The following ADCY5 variants were observed in gnomAD, a reference collection of about 807,000 sequenced individuals.
The protein encoded by ADCY5 is adenylate cyclase type 5.
A neutral mutation model predicts 119.7 loss-of-function variants in ADCY5; 30 were observed. The observed-to-expected ratio is 0.25, with a 90% CI of 0.19 to 0.34. ADCY5 has a LOEUF of 0.34. ADCY5 is among the 10% of genes least tolerant of loss of function. The probability of loss-of-function intolerance (pLI) is 1.00; values close to 1 mark genes in which losing one functional copy is unlikely to be tolerated. For synonymous variants in ADCY5, 753 were observed against 762.2 expected, an observed-to-expected ratio of 0.99 and a Z score of 0.20; for missense variants, 1,324 against 1,775.2, an observed-to-expected ratio of 0.75 and a Z score of 4.57.
At chr3:123,398,747 A>G (rs1576666327) in intron 1 of ADCY5, among the ~76,000 whole-genome samples, 1 of 151,264 alleles carries the variant, frequency 6.6e-6, no homozygotes, top group Admixed American at 6.6e-5. Flanking sequence ...CATGCCATTA[A>G]CCCCCTCCTG....
At position 123,326,059 on chromosome 3, in the gene ADCY5, C is replaced by G. The variant is rs536086074; in HGVS notation, c.1948-597G>C. Among the ~76,000 whole-genome samples the G allele has an allele frequency of 6.6e-5, 10 of 152,314 alleles. No homozygotes were observed. In the South Asian group the frequency reaches 2.1e-3, roughly 32 times the overall value. ...GCCTCAAGGGTGGGTGGGGCCTGAT[C>G]TGAAGTTGCCCAGGGGGTACCGGAG... On this transcript the variant is annotated intron_variant, in intron 7 of 20. Transcript: ENST00000462833.
intron 1 of ADCY5, among the ~76,000 whole-genome samples, chr3:123,407,413 G>A (rs779381185): frequency 1.1e-4 from 17 of 151,932 alleles, no homozygotes; most frequent in South Asian, 4.2e-4. Context: ...CATAAAACAC[G>A]AATAAAGTAC....
intron 1 of ADCY5, among the ~76,000 whole-genome samples, chr3:123,443,432 C>T (rs1008238162): frequency 6.6e-6 from 1 of 152,148 alleles, no homozygotes; most frequent in Non-Finnish European, 1.5e-5. Flanking sequence ...CGTCCACCAC[C>T]TGGGTCAGCC....
intron 1 of ADCY5, among the ~76,000 whole-genome samples, chr3:123,356,078 GA>G (rs1469847586): frequency 1.3e-5 from 2 of 152,122 alleles, no homozygotes; most frequent in Admixed American, 6.5e-5. Flanking sequence ...AGTAATCTGG[GA>G]AAACTGGATA....
chr3:123,314,091 AG>A, intron 12 of ADCY5, 143 bp downstream of exon 12: 2 of 622,982 alleles, frequency 3.2e-6, no homozygotes. Context: ...GCCATTGGAG[AG>A]GTGTGGCTGG....
At chr3:123,447,115 C>CTTATAATT (rs1012034939) in intron 1 of ADCY5, among the ~76,000 whole-genome samples, 41 of 152,292 alleles carry the variant, frequency 2.7e-4, no homozygotes, top group African/African-American at 9.6e-4. Flanking sequence ...GGAAACACTC[C>CTTATAATT]TTATAATTTT....
intron 1 of ADCY5, among the ~76,000 whole-genome samples, chr3:123,415,544 G>A (rs1350513006): frequency 6.6e-6 from 1 of 152,146 alleles, no homozygotes; most frequent in Non-Finnish European, 1.5e-5. Context: ...CAGCGTCTGC[G>A]GGACCGTTTA....
chr3:123,330,437 T>G (rs1200192488), intron 5 of ADCY5, among the ~76,000 whole-genome samples: 1 of 152,264 alleles, frequency 6.6e-6, no homozygotes, highest in East Asian at 1.9e-4. Context: ...CACCTGCATT[T>G]GAATCCGCCT....
chr3:123,285,008 G>C (rs1246648494), intron 20 of ADCY5, among the ~76,000 whole-genome samples: 1 of 152,198 alleles, frequency 6.6e-6, no homozygotes, highest in Non-Finnish European at 1.5e-5. Context: ...TTTCAGTGTG[G>C]CCTGTGGTCC....
intron 1 of ADCY5, among the ~76,000 whole-genome samples, chr3:123,383,660 A>G (rs551434320): frequency 3.9e-5 from 6 of 152,282 alleles, no homozygotes; most frequent in Admixed American, 6.5e-5. Flanking sequence ...CAGCAGCAAC[A>G]GCGACGGCTC....
chr3:123,320,749 T>C lies in ADCY5; in HGVS notation c.2111A>G (p.Lys704Arg), dbSNP rs1196641337. ...GAATAAGGAAGGGCATATTACTCAC[T>C]TGTCCTTGGGGTCTTCAAAGCCCTA... The part of the protein sequence containing the change: ...KRMGFEDPKD[K>R]NAQESANPED... Residue 704 changes from lysine (K) to arginine (R), a missense_variant and splice_region_variant, in exon 9 of 21, where the codon AAG (lysine) becomes AGG (arginine). By Grantham distance (26) the Lys-to-Arg change is conservative. This residue lies in a region of ADCY5 where 424 missense variants were observed against 546.8 expected (regional missense o/e 0.78). Coordinates refer to ENST00000462833, the MANE Select transcript of ADCY5 (RefSeq NM_183357.3). The C allele has an allele frequency of 1.2e-6, 2 of 1,611,708 alleles. No homozygotes were observed. The highest frequency in any genetic ancestry group is 3.3e-5 in the Admixed American group (2 of 59,974).
chr3:123,295,576 G>A (rs1446854607), intron 17 of ADCY5, among the ~76,000 whole-genome samples: 1 of 152,164 alleles, frequency 6.6e-6, no homozygotes, highest in Admixed American at 6.5e-5. Flanking sequence ...CATCCCCTCT[G>A]GAGAAGTCTT....
intron 1 of ADCY5, among the ~76,000 whole-genome samples, chr3:123,403,524 A>G (rs955415606): frequency 3.9e-5 from 6 of 152,064 alleles, no homozygotes; most frequent in Non-Finnish European, 8.8e-5. Flanking sequence ...TGGCAATAAC[A>G]CCCATGTGAG....
intron 12 of ADCY5, 99 bp downstream of exon 12, chr3:123,314,136 T>C (rs1940753728): frequency 3.3e-6 from 3 of 904,846 alleles, no homozygotes; most frequent in Non-Finnish European, 3.4e-6. Context: ...CCAAGCACAA[T>C]ACTCGGGCCC....
chr3:123,404,834 G>A (rs369121916), intron 1 of ADCY5, among the ~76,000 whole-genome samples: 5 of 152,336 alleles, frequency 3.3e-5, no homozygotes, highest in Admixed American at 6.5e-5. Flanking sequence ...GCCAAATGTG[G>A]ACACATCTGG....
rs181264003 is a variant in ADCY5 at position 123,402,906 on chromosome 3, G to A, written c.1134+44506C>T. ...TCGTGTCTACAATTTCTTCTTTTTC[G>A]CAGGGAAGATGTATTTATGTTATAT... On this transcript the variant is annotated intron_variant, in intron 1 of 20. Coordinates refer to ENST00000462833, the MANE Select transcript of ADCY5 (RefSeq NM_183357.3). 3.7e-4 allele frequency among the ~76,000 whole-genome samples: 55 copies of A among 150,644 alleles called. No individual in the cohort carries two copies. In the East Asian group the frequency reaches 7.2e-3, roughly 20 times the overall value.
rs113019144 is a variant in ADCY5 at position 123,345,716 on chromosome 3, C to T, written c.1406+2066G>A. On this transcript the variant is annotated intron_variant, in intron 3 of 20. Transcript: ENST00000462833. Reference sequence around the variant, plus strand: ...CAGACAGGAAAGGCCCCTGGTGGCTCCTCAGTCACAGAGACAGAGAGACAG... The same window carrying T: ...CAGACAGGAAAGGCCCCTGGTGGCTTCTCAGTCACAGAGACAGAGAGACAG... Among the ~76,000 whole-genome samples the T allele has an allele frequency of 3.6e-3, 502 of 141,044 alleles. 6 individuals are homozygous for T. Among genetic ancestry groups the T allele is most frequent in the African/African-American group, 0.011 (409 of 36,724 alleles). The allele number at this position is 141,044 out of a possible 152,430, so 92.5% of individuals were successfully genotyped here.
intron 17 of ADCY5, among the ~76,000 whole-genome samples, chr3:123,295,487 G>A (rs1347237412): frequency 6.6e-6 from 1 of 152,222 alleles, no homozygotes. Flanking sequence ...GAGACACAAG[G>A]CACAGGGCAG....
chr3:123,424,835 T>C (rs1304469708), intron 1 of ADCY5, among the ~76,000 whole-genome samples: 1 of 152,096 alleles, frequency 6.6e-6, no homozygotes, highest in Non-Finnish European at 1.5e-5. Context: ...CAATAATAGT[T>C]AATAAATAAG....
Sources: gnomAD v4.1 joint callset for allele counts (sites outside exome capture counted in the v4.1 genomes callset) on GRCh38, gnomAD v4.1.1 for gene constraint, gnomAD v4.1.1 regional missense constraint, MANE v1.5 for transcripts, NCBI Gene and HGNC (gene_info 2026-07-23, HGNC 2026-07-21) for gene names.